The following RP1 variants were observed in gnomAD, a reference collection of about 807,000 sequenced individuals.
RP1 encodes RP1 axonemal microtubule associated, also known as oxygen-regulated protein 1.
In RP1, 16 loss-of-function variants were observed where a neutral mutation model predicts 14.8. The observed-to-expected ratio is 1.08, with a 90% CI of 0.73 to 1.65. RP1 has a LOEUF of 1.65. Among genes scored for constraint, RP1 ranks in the 40% most tolerant of loss-of-function variants. RP1 has a pLI of 0.00. For synonymous variants in RP1, 876 were observed against 883.6 expected, an observed-to-expected ratio of 0.99 and a Z score of 0.15; for missense variants, 2,631 against 2,535.0, an observed-to-expected ratio of 1.04 and a Z score of -0.81.
intron 15 of RP1, among the ~76,000 whole-genome samples, chr8:54,719,311 A>G (rs1808481119): frequency 6.6e-6 from 1 of 152,200 alleles, no homozygotes. Context: ...TAGAACAAGA[A>G]CAGAAGATAG....
chr8:54,616,402 A>C (rs1031645781), intron 1 of RP1, among the ~76,000 whole-genome samples, 200 bp downstream of exon 1: 4 of 152,242 alleles, frequency 2.6e-5, no homozygotes, highest in African/African-American at 9.6e-5. Flanking sequence ...AATAGAATGG[A>C]ACTTCAGTAT....
chr8:54,869,219 T>G (rs1361123798), intron 28 of RP1, among the ~76,000 whole-genome samples: 1 of 152,176 alleles, frequency 6.6e-6, no homozygotes, highest in Non-Finnish European at 1.5e-5. Flanking sequence ...TCTAGAACTG[T>G]ACTGTCTCAC....
At chr8:54,750,262 C>A (rs900962711) in intron 19 of RP1, among the ~76,000 whole-genome samples, 1 of 152,176 alleles carries the variant, frequency 6.6e-6, no homozygotes, top group Non-Finnish European at 1.5e-5. Context: ...GTTGAGCACT[C>A]AGGGTATACC....
At chr8:54,849,992 G>T (rs901155509) in intron 25 of RP1, among the ~76,000 whole-genome samples, 1 of 152,186 alleles carries the variant, frequency 6.6e-6, no homozygotes, top group African/African-American at 2.4e-5. Flanking sequence ...AACATTTTAT[G>T]CTGTGCTTCT....
intron 12 of RP1, among the ~76,000 whole-genome samples, chr8:54,686,601 G>A (rs777763069): frequency 3.3e-5 from 5 of 151,952 alleles, no homozygotes; most frequent in African/African-American, 7.2e-5. Context: ...AAACTCTTTA[G>A]GTACTAGAAA....
At chr8:54,738,369 T>C (rs901592419) in intron 18 of RP1, among the ~76,000 whole-genome samples, 1 of 152,180 alleles carries the variant, frequency 6.6e-6, no homozygotes, top group South Asian at 2.1e-4. Context: ...GATTAACAAA[T>C]ACTCTTGGGC....
Position 54,869,708 on chromosome 8 carries a change from A to G in RP1, c.4152-135A>G, listed in dbSNP as rs1812537591. ...ATAATCTGGTGTGGCTTAAAATCTT[A>G]AATCCTTTTTTAAAATTCTGATCTC... On this transcript the variant is annotated intron_variant, in intron 28 of 28. Transcript: ENST00000637698. The G allele has an allele frequency of 9.8e-6, 4 of 408,100 alleles. No individual in the cohort carries two copies. The East Asian group carries it at 1.4e-4, about 15-fold the overall frequency. 25.3% of individuals were successfully genotyped at this position (408,100 alleles called of 1,614,324 possible).
intron 28 of RP1, among the ~76,000 whole-genome samples, chr8:54,868,354 T>C (rs1812504082): frequency 1.3e-5 from 2 of 152,240 alleles, no homozygotes. Flanking sequence ...ATTGCACTGT[T>C]ATCATTAACT....
intron 1 of RP1, among the ~76,000 whole-genome samples, chr8:54,559,736 C>T (rs1420268232): frequency 4.6e-5 from 7 of 152,100 alleles, no homozygotes; most frequent in African/African-American, 9.7e-5. Context: ...TTAGGTTTTC[C>T]GGAGGAGAGT....
At chr8:54,701,362 A>T (rs1489859833) in intron 13 of RP1, 3 of 790,940 alleles carry the variant, frequency 3.8e-6, no homozygotes, top group Non-Finnish European at 3.5e-6. Context: ...AAATCATGAG[A>T]TTTTATAAAT....
intron 19 of RP1, among the ~76,000 whole-genome samples, chr8:54,751,904 C>G (rs934172893): frequency 2.0e-5 from 3 of 152,142 alleles, no homozygotes; most frequent in African/African-American, 7.2e-5. Flanking sequence ...CAGTGGTGTT[C>G]GTGGGGTTGC....
At chr8:54,828,670 C>A (rs1010013702) in intron 24 of RP1, among the ~76,000 whole-genome samples, 49 of 152,152 alleles carry the variant, frequency 3.2e-4, no homozygotes, top group African/African-American at 1.2e-3. Context: ...ATGACATTAT[C>A]ATTATCAAGT....
chr8:54,759,822 A>G (rs1334842118), intron 22 of RP1, among the ~76,000 whole-genome samples: 1 of 152,150 alleles, frequency 6.6e-6, no homozygotes, highest in African/African-American at 2.4e-5. Context: ...CTGACTTACA[A>G]ATTGAGTTAA....
chr8:54,847,100 A>C (rs976026411), intron 25 of RP1, among the ~76,000 whole-genome samples: 2 of 152,100 alleles, frequency 1.3e-5, no homozygotes, highest in African/African-American at 4.8e-5. Context: ...CTGCTGGTGC[A>C]TCTCTCAGGT....
At chr8:54,785,043 A>C (rs994285219) in intron 24 of RP1, among the ~76,000 whole-genome samples, 1 of 152,118 alleles carries the variant, frequency 6.6e-6, no homozygotes. Flanking sequence ...GTAAAAAAAC[A>C]TTTACCCATT....
At position 54,704,262 on chromosome 8, in the gene RP1, A is replaced by T. The variant is rs1483056426; in HGVS notation, c.1999-2181A>T. On this transcript the variant is annotated intron_variant, in intron 14 of 22. Coordinates refer to the RP1 transcript ENST00000636932. ...ATGTGACTCTTCCTTTCATTTGAAC[A>T]CTTAGAGGCCATTATAGGGTTATTG... 2.0e-5 allele frequency among the ~76,000 whole-genome samples: 3 copies of T among 152,262 alleles called. No individual in the cohort carries two copies. In the East Asian group the frequency reaches 5.8e-4, roughly 29 times the overall value.
At chr8:54,759,130 CTG>C (rs3077333) in intron 22 of RP1, 83,462 of 762,444 alleles carry the variant, frequency 0.11, 2,461 homozygotes, top group African/African-American at 0.27. Flanking sequence ...GTGGATGATG[CTG>C]TGTGTGTGTG....
At chr8:54,695,643 T>C (rs1807842206) in intron 12 of RP1, among the ~76,000 whole-genome samples, 1 of 152,176 alleles carries the variant, frequency 6.6e-6, no homozygotes, top group Admixed American at 6.6e-5. Flanking sequence ...ACTCATTAGT[T>C]TGCACAATTA....
At chr8:54,762,342 G>A (rs990022505) in intron 22 of RP1, among the ~76,000 whole-genome samples, 6 of 152,220 alleles carry the variant, frequency 3.9e-5, no homozygotes, top group East Asian at 1.9e-4. Flanking sequence ...AAGCAGAGCC[G>A]CGTGAGGAGA....
Sources: allele counts gnomAD v4.1 joint callset (sites outside exome capture counted in the v4.1 genomes callset), GRCh38; gene constraint gnomAD v4.1.1; transcripts MANE v1.5; gene names NCBI Gene and HGNC (gene_info 2026-07-23, HGNC 2026-07-21).